Variants in AGAP4 observed in about 807,000 individuals in gnomAD.
The protein encoded by AGAP4 is arf-GAP with GTPase, ANK repeat and PH domain-containing protein 4.
Under a neutral mutation model 60.7 loss-of-function variants are expected in AGAP4, and 13 were observed. That is an observed-to-expected ratio of 0.21 (90% confidence interval 0.14 to 0.34). AGAP4 has a LOEUF of 0.34. Among genes scored for constraint, AGAP4 ranks in the 10% least tolerant of loss-of-function variants. AGAP4 has a pLI of 1.00. For synonymous variants in AGAP4, 70 were observed against 339.0 expected, an observed-to-expected ratio of 0.21 and a Z score of 8.72; for missense variants, 169 against 884.0, an observed-to-expected ratio of 0.19 and a Z score of 10.26.
chr10:45,844,130 TA>T (rs1336503446), intron 3 of AGAP4, 195 bp downstream of exon 3: 2 of 607,920 alleles, frequency 3.3e-6, no homozygotes, highest in Non-Finnish European at 5.6e-6. Flanking sequence ...GCAAAATGTA[TA>T]AACAAAAAGG....
At chr10:45,831,826 A>G (rs2058736292) in intron 5 of AGAP4, among the ~76,000 whole-genome samples, 1 of 134,272 alleles carries the variant, frequency 7.4e-6, no homozygotes, top group Admixed American at 7.7e-5. Flanking sequence ...CACAACCTCC[A>G]CCACCCAGGT....
chr10:45,853,389 C>G (rs1305033823), intron 1 of AGAP4, among the ~76,000 whole-genome samples: 3 of 151,176 alleles, frequency 2.0e-5, no homozygotes, highest in Non-Finnish European at 4.4e-5. Context: ...TGGAGAGACA[C>G]GCATTAGTGA....
chr10:45,846,479 T>C (rs1554899483), intron 2 of AGAP4, among the ~76,000 whole-genome samples: 1 of 151,786 alleles, frequency 6.6e-6, no homozygotes, highest in East Asian at 1.9e-4. Flanking sequence ...TGTCTTGAGA[T>C]TTGGCTACTT....
intron 4 of AGAP4, among the ~76,000 whole-genome samples, chr10:45,836,932 T>A (rs1158673984): frequency 6.7e-6 from 1 of 150,048 alleles, no homozygotes; most frequent in Non-Finnish European, 1.5e-5. Context: ...AGTGTGGTGA[T>A]CTTGGCTCAC....
chr10:45,841,237 A>G (rs2058912222), intron 4 of AGAP4, among the ~76,000 whole-genome samples: 1 of 133,110 alleles, frequency 7.5e-6, no homozygotes, highest in Middle Eastern at 3.5e-3. Flanking sequence ...TGAGTAGCTG[A>G]GATTACAGGC....
At chr10:45,830,237 A>C (rs1206210671) in intron 6 of AGAP4, among the ~76,000 whole-genome samples, 1 of 146,008 alleles carries the variant, frequency 6.8e-6, no homozygotes, top group Admixed American at 6.9e-5. Context: ...CAATGGCGAG[A>C]TCTCGGCTCA....
At chr10:45,837,048 G>C (rs2058830862) in intron 4 of AGAP4, among the ~76,000 whole-genome samples, 1 of 140,580 alleles carries the variant, frequency 7.1e-6, no homozygotes, top group Non-Finnish European at 1.6e-5. Flanking sequence ...TGTATTTTTA[G>C]TAGAGATGGG....
chr10:45,844,748 G>A (rs2058974721), intron 2 of AGAP4, among the ~76,000 whole-genome samples: 2 of 147,700 alleles, frequency 1.4e-5, no homozygotes, highest in Non-Finnish European at 3.0e-5. Flanking sequence ...CAAGATGGCA[G>A]TAAGTTTTAA....
At chr10:45,850,591 T>TTCTCTTAATTAC (rs1468793353), upstream of AGAP4, among the ~76,000 whole-genome samples, 6 of 152,230 alleles carry the variant, frequency 3.9e-5, no homozygotes, top group African/African-American at 1.4e-4. Flanking sequence ...TTAAGAGACT[T>TTCTCTTAATTAC]TCTCTAAAGG....
intron 4 of AGAP4, among the ~76,000 whole-genome samples, chr10:45,840,005 A>C (rs2058891381): frequency 6.6e-6 from 1 of 150,780 alleles, no homozygotes; most frequent in African/African-American, 2.5e-5. Flanking sequence ...CTAGCATCTG[A>C]ATAACAAGAC....
upstream of AGAP4, among the ~76,000 whole-genome samples, chr10:45,850,888 G>A (rs1449049020): frequency 1.3e-5 from 2 of 151,968 alleles, no homozygotes; most frequent in African/African-American, 4.8e-5. Flanking sequence ...ATAAATCTCT[G>A]TAGGCTAAGT....
intron 5 of AGAP4, among the ~76,000 whole-genome samples, chr10:45,832,003 A>T (rs74996650): frequency 7.6e-6 from 1 of 131,960 alleles, no homozygotes; most frequent in Non-Finnish European, 1.6e-5. Flanking sequence ...TCTGCCTCCC[A>T]GGTTCAAGAG....
At chr10:45,836,919 T>C (rs1162963133) in intron 4 of AGAP4, among the ~76,000 whole-genome samples, 4 of 150,122 alleles carry the variant, frequency 2.7e-5, no homozygotes, top group African/African-American at 9.9e-5. Flanking sequence ...GGCTGGAATA[T>C]GCAGTGTGGT....
chr10:45,850,768 G>A (rs2059073525), upstream of AGAP4, among the ~76,000 whole-genome samples: 1 of 152,048 alleles, frequency 6.6e-6, no homozygotes, highest in South Asian at 2.1e-4. Flanking sequence ...GTATGTAGCA[G>A]TGCCTTCCTC....
At chr10:45,838,016 A>G (rs2058851019) in intron 4 of AGAP4, among the ~76,000 whole-genome samples, 1 of 151,120 alleles carries the variant, frequency 6.6e-6, no homozygotes, top group Non-Finnish European at 1.5e-5. Flanking sequence ...ACAATTACAA[A>G]AATATGGAAC....
chr10:45,851,504 C>T (rs1345531185), upstream of AGAP4, among the ~76,000 whole-genome samples: 57 of 151,880 alleles, frequency 3.8e-4, 1 homozygote, highest in African/African-American at 9.4e-4. Flanking sequence ...TGTGTGTGAG[C>T]GAGCTGGATG....
upstream of AGAP4, among the ~76,000 whole-genome samples, chr10:45,850,686 G>C (rs1440811665): frequency 2.6e-5 from 4 of 152,252 alleles, no homozygotes; most frequent in African/African-American, 9.6e-5. Flanking sequence ...GAAGTGCTTG[G>C]TCATGAGATG....
At position 45,827,042 on chromosome 10, in the gene AGAP4, C is replaced by G; in HGVS notation, c.934G>C (p.Val312Leu). ...KKYVTLCSNG[V>L]LTYYSSLGDY... ...CCTAAGCTTGAATAATAGGTGAGCA[C>G]GCCATTGGAACACAGGGTGACGTAT... The change falls in exon 8 of 8, where the codon GTG (valine) becomes CTG (leucine). Residue 312 changes from valine (V) to leucine (L), a missense_variant. By Grantham distance (32) the Val-to-Leu change is conservative. Coordinates refer to ENST00000616763, the MANE Select transcript of AGAP4 (RefSeq NM_001276343.3). The G allele has an allele frequency of 7.8e-7, 1 of 1,280,802 alleles. No homozygotes were observed. The highest frequency in any genetic ancestry group is 1.4e-5 in the South Asian group (1 of 69,634). The allele number at this position is 1,280,802 out of a possible 1,614,324, so 79.3% of individuals were successfully genotyped here. A position where few individuals can be genotyped will look rare whatever the true frequency, so the allele number is the denominator to read the frequency against.
At chr10:45,836,926 T>G (rs71235462) in intron 4 of AGAP4, among the ~76,000 whole-genome samples, 1 of 149,778 alleles carries the variant, frequency 6.7e-6, no homozygotes, top group African/African-American at 2.5e-5. Flanking sequence ...ATATGCAGTG[T>G]GGTGATCTTG....
Sources: allele counts gnomAD v4.1 joint callset (sites outside exome capture counted in the v4.1 genomes callset), GRCh38; gene constraint gnomAD v4.1.1; transcripts MANE v1.5; gene names NCBI Gene and HGNC (gene_info 2026-07-23, HGNC 2026-07-21).